PRKN: variants seen among roughly 807,000 people sequenced by gnomAD.
The protein encoded by PRKN is parkin RBR E3 ubiquitin protein ligase, also known as E3 ubiquitin-protein ligase parkin.
A neutral mutation model predicts 59.5 loss-of-function variants in PRKN; 56 were observed. The observed-to-expected ratio is 0.94, with a 90% CI of 0.76 to 1.18. The LOEUF is 1.18. Among genes scored for constraint, PRKN ranks in the 50% most tolerant of loss-of-function variants. The probability of loss-of-function intolerance (pLI) is 0.00; values close to 1 mark genes in which losing one functional copy is unlikely to be tolerated. For synonymous variants in PRKN, 250 were observed against 222.1 expected (o/e 1.13, Z -1.12); for missense variants, 657 against 596.4 (o/e 1.10, Z -1.06).
rs973965557 is a variant in PRKN at position 162,216,554 on chromosome 6, A to C, written c.413-15302T>G. 6.0e-5 allele frequency among the ~76,000 whole-genome samples: 9 copies of C among 150,916 alleles called. No homozygotes were observed. The South Asian group carries it at 1.7e-3, about 28-fold the overall frequency. On this transcript the variant is annotated intron_variant, in intron 3 of 11. Coordinates refer to ENST00000366898, the MANE Select transcript of PRKN (RefSeq NM_004562.3). ...TCCGTCTCAAAAAAAAAAAAAAAAAAAAAAAAAAAACCCAGTTTGCCTGGC... is the reference window on the plus strand; with the variant it reads ...TCCGTCTCAAAAAAAAAAAAAAAAACAAAAAAAAAACCCAGTTTGCCTGGC...
intron 7 of PRKN, among the ~76,000 whole-genome samples, chr6:161,753,335 C>T (rs544050155): frequency 3.3e-5 from 5 of 152,002 alleles, no homozygotes; most frequent in Non-Finnish European, 2.9e-5. Context: ...ATAGTAAGCA[C>T]GCAGTGAGGA....
At chr6:161,424,156 G>A (rs1381604295) in intron 9 of PRKN, among the ~76,000 whole-genome samples, 1 of 152,006 alleles carries the variant, frequency 6.6e-6, no homozygotes, top group Non-Finnish European at 1.5e-5. Flanking sequence ...GGCCAACATG[G>A]CAAAACCGTG....
At chr6:162,530,766 A>C (rs914795014) in intron 1 of PRKN, among the ~76,000 whole-genome samples, 4 of 152,194 alleles carry the variant, frequency 2.6e-5, no homozygotes, top group African/African-American at 9.7e-5. Context: ...AAGTAAGTTA[A>C]AAAGTATAAG....
intron 7 of PRKN, among the ~76,000 whole-genome samples, chr6:161,710,326 C>T (rs533418323): frequency 1.1e-4 from 17 of 152,330 alleles, no homozygotes; most frequent in Middle Eastern, 3.4e-3. Flanking sequence ...CGCTCATTCA[C>T]TTCCCATGGG....
chr6:161,835,040 G>A (rs55892588), intron 6 of PRKN, among the ~76,000 whole-genome samples: 37,362 of 151,902 alleles, frequency 0.25, 5,538 homozygotes, highest in Non-Finnish European at 0.33. Flanking sequence ...TGGCCAAGTC[G>A]CTCTCCAGGG....
intron 6 of PRKN, among the ~76,000 whole-genome samples, chr6:161,874,935 T>TA (rs1407539703): frequency 1.2e-5 from 1 of 86,134 alleles, no homozygotes; most frequent in Non-Finnish European, 1.9e-5. Flanking sequence ...TAAAATATAA[T>TA]ATAATATATT....
At chr6:162,571,826 T>C (rs1309214843) in intron 1 of PRKN, among the ~76,000 whole-genome samples, 1 of 152,022 alleles carries the variant, frequency 6.6e-6, no homozygotes, top group Non-Finnish European at 1.5e-5. Flanking sequence ...TGAAGAGAAC[T>C]AGGAAAATGC....
intron 1 of PRKN, among the ~76,000 whole-genome samples, chr6:162,630,973 T>C (rs1783089212): frequency 6.6e-6 from 1 of 152,148 alleles, no homozygotes; most frequent in Non-Finnish European, 1.5e-5. Context: ...TTTGATCAAA[T>C]TGACTAGTAT....
intron 7 of PRKN, among the ~76,000 whole-genome samples, chr6:161,750,804 C>T (rs73599150): frequency 0.019 from 2,798 of 151,106 alleles, 87 homozygotes; most frequent in African/African-American, 0.064. Context: ...ATTCTGTCCA[C>T]GGAATTGATT....
At chr6:161,943,054 A>G (rs1218637041) in intron 6 of PRKN, among the ~76,000 whole-genome samples, 2 of 152,234 alleles carry the variant, frequency 1.3e-5, no homozygotes, top group African/African-American at 4.8e-5. Flanking sequence ...GTCAGCTAAA[A>G]TGATATCAAA....
chr6:162,348,658 G>C (rs1251892683), intron 2 of PRKN, among the ~76,000 whole-genome samples: 4 of 152,144 alleles, frequency 2.6e-5, no homozygotes, highest in African/African-American at 9.7e-5. Context: ...CTATGGTTTT[G>C]TTGCATATTC....
At chr6:161,658,030 A>AAAAAAAAG (rs781518268) in intron 7 of PRKN, among the ~76,000 whole-genome samples, 3 of 104,878 alleles carry the variant, frequency 2.9e-5, no homozygotes, top group Non-Finnish European at 3.8e-5. Flanking sequence ...AAAAAAAAAA[A>AAAAAAAAG]AAAAGAAAAG....
chr6:161,506,744 A>C (rs1778187552), intron 9 of PRKN, among the ~76,000 whole-genome samples: 1 of 152,212 alleles, frequency 6.6e-6, no homozygotes, highest in African/African-American at 2.4e-5. Flanking sequence ...ACGGTAAAAG[A>C]GTAATATTGA....
chr6:161,532,804 G>A (rs1293636981), intron 9 of PRKN, among the ~76,000 whole-genome samples: 2 of 152,130 alleles, frequency 1.3e-5, no homozygotes, highest in Non-Finnish European at 2.9e-5. Context: ...CAAGAAGGGT[G>A]GCTGTCACTG....
intron 6 of PRKN, among the ~76,000 whole-genome samples, chr6:161,942,697 A>G (rs1779609904): frequency 6.6e-6 from 1 of 152,194 alleles, no homozygotes; most frequent in Admixed American, 6.5e-5. Flanking sequence ...AAGAAATATG[A>G]ACACCTTTAC....
At chr6:162,464,618 A>T (rs939759557) in intron 1 of PRKN, among the ~76,000 whole-genome samples, 51 of 148,734 alleles carry the variant, frequency 3.4e-4, no homozygotes, top group African/African-American at 1.1e-3. Context: ...GATCAAGACC[A>T]TCCTGGCTAA....
intron 2 of PRKN, among the ~76,000 whole-genome samples, chr6:162,267,554 A>G (rs9347606): frequency 0.069 from 10,540 of 152,248 alleles, 1,057 homozygotes; most frequent in East Asian, 0.49. Context: ...TAAATAAAAT[A>G]TTACCTGTCA....
chr6:162,046,426 A>G (rs1161796557), intron 5 of PRKN, among the ~76,000 whole-genome samples: 1 of 152,208 alleles, frequency 6.6e-6, no homozygotes, highest in African/African-American at 2.4e-5. Context: ...CTTGACTAGG[A>G]GTTTCCTAGA....
chr6:162,513,277 T>C (rs1203268943), intron 1 of PRKN, among the ~76,000 whole-genome samples: 1 of 151,798 alleles, frequency 6.6e-6, no homozygotes. Context: ...TGAGGAGTTC[T>C]AGACCAGCCT....
Sources: gnomAD v4.1 joint callset for allele counts (sites outside exome capture counted in the v4.1 genomes callset) on GRCh38, gnomAD v4.1.1 for gene constraint, MANE v1.5 for transcripts, NCBI Gene and HGNC (gene_info 2026-07-23, HGNC 2026-07-21) for gene names.